CNTNAP2: variants seen among roughly 807,000 people sequenced by gnomAD.
The protein encoded by CNTNAP2 is contactin associated protein 2.
A neutral mutation model predicts 155.2 loss-of-function variants in CNTNAP2; 98 were observed. The ratio of observed to expected loss-of-function variants is 0.63; its 90% CI spans 0.54 to 0.75. CNTNAP2 has a LOEUF of 0.75. Ranked by LOEUF, CNTNAP2 falls within the 30% of genes least tolerant of loss-of-function variation. CNTNAP2 has a pLI of 0.00. For missense variants in CNTNAP2, 1,727 were observed against 1,688.1 expected (o/e 1.02, Z -0.40); for synonymous variants, 651 against 631.2 (o/e 1.03, Z -0.47).
rs1183174569 is a variant in CNTNAP2 at position 148,065,232 on chromosome 7, G to A, written c.2384-52886G>A. ...TATCATATGGTCTATCTTGGAGAAC[G>A]TTCCATGTGCTGATGAGTAGAATGT... is the stretch of plus-strand genomic sequence containing the variant. On this transcript the variant is annotated intron_variant, in intron 15 of 23. Transcript: ENST00000361727. 3.9e-5 allele frequency among the ~76,000 whole-genome samples: 6 copies of A among 152,242 alleles called. 1 individual carries two copies. In the South Asian group the frequency reaches 6.2e-4, roughly 16 times the overall value.
At chr7:148,061,441 C>T (rs1255939371) in intron 15 of CNTNAP2, among the ~76,000 whole-genome samples, 2 of 152,086 alleles carry the variant, frequency 1.3e-5, no homozygotes, top group African/African-American at 4.8e-5. Context: ...GCAACCTCCA[C>T]CTCCCAGGTT....
chr7:147,265,461 GAACTCCAGC>G (rs1804585897), intron 8 of CNTNAP2, among the ~76,000 whole-genome samples: 2 of 152,124 alleles, frequency 1.3e-5, no homozygotes, highest in African/African-American at 4.8e-5. Context: ...CTCCCTGCAG[GAACTCCAGC>G]AACTCCAGCC....
intron 3 of CNTNAP2, among the ~76,000 whole-genome samples, chr7:146,930,193 G>C (rs1425786932): frequency 6.6e-6 from 1 of 152,150 alleles, no homozygotes; most frequent in Non-Finnish European, 1.5e-5. Flanking sequence ...AGAGAGAAAG[G>C]TCGGGTTACC....
chr7:148,403,289 C>T (rs1023842724), intron 22 of CNTNAP2, among the ~76,000 whole-genome samples: 1 of 151,664 alleles, frequency 6.6e-6, no homozygotes, highest in Non-Finnish European at 1.5e-5. Context: ...AATATAGGAA[C>T]ACGGATGACT....
At chr7:146,493,939 A>G (rs996773825) in intron 1 of CNTNAP2, among the ~76,000 whole-genome samples, 1 of 152,202 alleles carries the variant, frequency 6.6e-6, no homozygotes, top group Non-Finnish European at 1.5e-5. Flanking sequence ...CTTGAGTGAT[A>G]GGTGCACTCA....
At chr7:147,293,463 A>C (rs1476841476) in intron 8 of CNTNAP2, among the ~76,000 whole-genome samples, 1 of 152,180 alleles carries the variant, frequency 6.6e-6, no homozygotes, top group Admixed American at 6.5e-5. Context: ...ATAAAAGGAT[A>C]ATTGATTATT....
At chr7:147,789,454 G>A (rs1274756707) in intron 13 of CNTNAP2, among the ~76,000 whole-genome samples, 1 of 152,138 alleles carries the variant, frequency 6.6e-6, no homozygotes, top group African/African-American at 2.4e-5. Flanking sequence ...ATGAAACTGT[G>A]ACTCCTCCCC....
At chr7:146,396,693 G>C (rs1275350967) in intron 1 of CNTNAP2, among the ~76,000 whole-genome samples, 1 of 145,736 alleles carries the variant, frequency 6.9e-6, no homozygotes, top group Non-Finnish European at 1.5e-5. Flanking sequence ...GTTAGTTTTG[G>C]AGAATATTTA....
At chr7:146,525,848 G>A (rs801956) in intron 1 of CNTNAP2, among the ~76,000 whole-genome samples, 5,387 of 152,098 alleles carry the variant, frequency 0.035, 308 homozygotes, top group African/African-American at 0.12. Context: ...TACCTCATCA[G>A]TGCAGCTCTC....
intron 10 of CNTNAP2, among the ~76,000 whole-genome samples, chr7:147,480,174 T>G (rs1798396784): frequency 6.6e-6 from 1 of 152,168 alleles, no homozygotes; most frequent in African/African-American, 2.4e-5. Context: ...TTTCTTGTCT[T>G]AATAAGCAAA....
chr7:146,939,537 T>C (rs1243221041), intron 3 of CNTNAP2, among the ~76,000 whole-genome samples: 1 of 152,156 alleles, frequency 6.6e-6, no homozygotes, highest in Non-Finnish European at 1.5e-5. Flanking sequence ...AGCACTGCAA[T>C]AGCTGTGGGA....
chr7:146,158,800 C>T (rs1022601217), intron 1 of CNTNAP2, among the ~76,000 whole-genome samples: 1 of 152,142 alleles, frequency 6.6e-6, no homozygotes, highest in Non-Finnish European at 1.5e-5. Context: ...GAGAATGGAA[C>T]CAAGTTGGAA....
intron 16 of CNTNAP2, among the ~76,000 whole-genome samples, chr7:148,145,514 T>A (rs190639059): frequency 1.3e-5 from 2 of 152,344 alleles, no homozygotes; most frequent in East Asian, 3.9e-4. Context: ...AATTTATCCC[T>A]AAATTCTATT....
At chr7:146,988,478 A>G (rs1798154176) in intron 3 of CNTNAP2, among the ~76,000 whole-genome samples, 1 of 152,152 alleles carries the variant, frequency 6.6e-6, no homozygotes, top group Non-Finnish European at 1.5e-5. Flanking sequence ...TGATAGCCTG[A>G]TATCCTTTGA....
At chr7:147,215,037 C>T (rs985519791) in intron 8 of CNTNAP2, among the ~76,000 whole-genome samples, 1 of 152,082 alleles carries the variant, frequency 6.6e-6, no homozygotes, top group Non-Finnish European at 1.5e-5. Context: ...ATCATGAGGA[C>T]AGCATGGGGG....
chr7:146,483,490 C>T (rs1176527000), intron 1 of CNTNAP2, among the ~76,000 whole-genome samples: 1 of 148,726 alleles, frequency 6.7e-6, no homozygotes, highest in Non-Finnish European at 1.5e-5. Context: ...ATTTTTAAAG[C>T]TTGTTTGTGT....
At chr7:147,603,747 A>G (rs1255735551) in intron 12 of CNTNAP2, among the ~76,000 whole-genome samples, 1 of 152,206 alleles carries the variant, frequency 6.6e-6, no homozygotes, top group Non-Finnish European at 1.5e-5. Context: ...GAACCAAAAA[A>G]GAGCCCACAT....
chr7:146,798,921 A>T (rs1392896724), intron 2 of CNTNAP2, among the ~76,000 whole-genome samples: 2 of 152,162 alleles, frequency 1.3e-5, no homozygotes, highest in East Asian at 1.9e-4. Flanking sequence ...CTGCAAAAAA[A>T]ATATTTTTGA....
intron 21 of CNTNAP2, among the ~76,000 whole-genome samples, chr7:148,338,567 G>A (rs945571715): frequency 6.6e-6 from 1 of 151,946 alleles, no homozygotes; most frequent in East Asian, 1.9e-4. Flanking sequence ...GGTGAGGGGG[G>A]GGTGAGTTAC....
Sources: gnomAD v4.1 joint callset for allele counts (sites outside exome capture counted in the v4.1 genomes callset) on GRCh38, gnomAD v4.1.1 for gene constraint, MANE v1.5 for transcripts, NCBI Gene and HGNC (gene_info 2026-07-23, HGNC 2026-07-21) for gene names.